CCDC81: variants seen among roughly 807,000 people sequenced by gnomAD.
CCDC81 encodes coiled-coil domain-containing protein 81.
CCDC81 carries 79 observed loss-of-function variants against 83.7 expected under a neutral mutation model. That is an observed-to-expected ratio of 0.94 (90% confidence interval 0.79 to 1.14). The LOEUF is 1.14. CCDC81 is among the 50% of genes most tolerant of loss of function. The pLI, the probability that CCDC81 is intolerant of heterozygous loss-of-function variation, is 0.00. For synonymous variants in CCDC81, 252 were observed against 278.1 expected, an observed-to-expected ratio of 0.91 and a Z score of 0.93; for missense variants, 791 against 778.1, an observed-to-expected ratio of 1.02 and a Z score of -0.20.
chr11:86,421,606 G>A (rs980844902), intron 14 of CCDC81, among the ~76,000 whole-genome samples: 10 of 152,288 alleles, frequency 6.6e-5, no homozygotes, highest in Admixed American at 3.3e-4. Context: ...CACCGCGCCC[G>A]GCCGATCATC....
In CCDC81 at chr11:86,422,934, C is replaced by T; in HGVS notation, c.*219C>T. 1.9e-6 allele frequency: 1 copy of T among 533,974 alleles called. No individual in the cohort carries two copies. Among genetic ancestry groups the T allele is most frequent in the Non-Finnish European group, 3.3e-6 (1 of 300,594 alleles). 33.1% of individuals were successfully genotyped at this position (533,974 alleles called of 1,614,324 possible). The stretch of plus-strand genomic sequence containing the variant: ...TAGTTTCTGATGGCAGTGAAGGTGT[C>T]TGAATGGTCCTGAGGGCTAGAACCT... On this transcript the variant is annotated 3_prime_UTR_variant, in exon 15 of 15. Coordinates refer to ENST00000445632, the MANE Select transcript of CCDC81 (RefSeq NM_001156474.2).
intron 10 of CCDC81, among the ~76,000 whole-genome samples, chr11:86,411,808 C>T (rs1012624395): frequency 1.3e-5 from 2 of 152,134 alleles, no homozygotes; most frequent in African/African-American, 4.8e-5. Flanking sequence ...TAGAAATTGA[C>T]CCTTTTGGTC....
At chr11:86,420,739 A>C (rs1948778845) in intron 14 of CCDC81, among the ~76,000 whole-genome samples, 1 of 152,122 alleles carries the variant, frequency 6.6e-6, no homozygotes, top group Admixed American at 6.5e-5. Flanking sequence ...TTGATCTGTA[A>C]CTCTCCTTTT....
intron 3 of CCDC81, among the ~76,000 whole-genome samples, chr11:86,390,171 G>A (rs931821568): frequency 1.3e-5 from 2 of 152,150 alleles, no homozygotes; most frequent in African/African-American, 4.8e-5. Context: ...GATCAGAACT[G>A]GATCAAATGC....
chr11:86,422,020 C>T (rs1447579403), intron 14 of CCDC81, among the ~76,000 whole-genome samples: 5 of 152,084 alleles, frequency 3.3e-5, no homozygotes, highest in Non-Finnish European at 5.9e-5. Flanking sequence ...AAGTCAGTTA[C>T]TACTGCCTCT....
At chr11:86,379,246 G>A (rs1200880887) in intron 1 of CCDC81, among the ~76,000 whole-genome samples, 2 of 151,774 alleles carry the variant, frequency 1.3e-5, no homozygotes, top group African/African-American at 4.8e-5. Context: ...ACAGGCACCC[G>A]CCACCATGCC....
chr11:86,389,009 C>T (rs1948286885), intron 3 of CCDC81, among the ~76,000 whole-genome samples: 1 of 152,026 alleles, frequency 6.6e-6, no homozygotes, highest in Admixed American at 6.5e-5. Context: ...GGCATGGTGG[C>T]ACATGCAATG....
chr11:86,410,619 CTCTT>C (rs1948629679), intron 10 of CCDC81, among the ~76,000 whole-genome samples: 1 of 152,190 alleles, frequency 6.6e-6, no homozygotes, highest in Non-Finnish European at 1.5e-5. Flanking sequence ...ATCTTTCTCT[CTCTT>C]TATATATAAG....
chr11:86,392,976 A>G (rs1948354663), intron 4 of CCDC81, among the ~76,000 whole-genome samples, 179 bp downstream of exon 4: 1 of 152,226 alleles, frequency 6.6e-6, no homozygotes, highest in South Asian at 2.1e-4. Context: ...CAGGAAGGCA[A>G]AGGAACATTA....
At chr11:86,397,831 T>A in intron 6 of CCDC81, 89 bp downstream of exon 6, 1 of 1,437,564 alleles carries the variant, frequency 7.0e-7, no homozygotes, top group East Asian at 2.4e-5. Flanking sequence ...TAAAGTTAAA[T>A]TTACAAATAA....
intron 12 of CCDC81, 109 bp from the exon 13 acceptor site, chr11:86,414,984 C>T (rs1948696430): frequency 2.1e-6 from 3 of 1,420,926 alleles, no homozygotes; most frequent in South Asian, 1.3e-5. Flanking sequence ...GTTTTTGTGC[C>T]CCGCATTCCT....
chr11:86,400,083 A>T (rs1362282989), intron 6 of CCDC81, among the ~76,000 whole-genome samples: 1 of 148,430 alleles, frequency 6.7e-6, no homozygotes, highest in Non-Finnish European at 1.5e-5. Context: ...ATGAGCTGAG[A>T]TTGGGTTACT....
At chr11:86,382,644 A>G (rs1948191056) in intron 1 of CCDC81, among the ~76,000 whole-genome samples, 1 of 152,126 alleles carries the variant, frequency 6.6e-6, no homozygotes, top group Non-Finnish European at 1.5e-5. Flanking sequence ...AACATTTGGG[A>G]ATCATCCTGA....
chr11:86,415,923 C>G (rs1314134412), intron 13 of CCDC81, among the ~76,000 whole-genome samples: 1 of 152,084 alleles, frequency 6.6e-6, no homozygotes, highest in African/African-American at 2.4e-5. Flanking sequence ...ATCCTCCTGC[C>G]TCAGCTTCCC....
chr11:86,422,891 C>A lies in CCDC81; in HGVS notation c.*176C>A. 6.3e-6 allele frequency: 4 copies of A among 635,920 alleles called. No individual in the cohort carries two copies. The East Asian group carries it at 8.7e-5, about 14-fold the overall frequency. The allele number at this position is 635,920 out of a possible 1,614,324, so 39.4% of individuals were successfully genotyped here. The stretch of plus-strand genomic sequence containing the variant: ...AATTCACTCCTGCTTTCCTCCCACC[C>A]CCAATTATTTCCTATACTAGTTTCT... On this transcript the variant is annotated 3_prime_UTR_variant, in exon 15 of 15. Transcript: ENST00000445632.
Position 86,421,604 on chromosome 11 carries a change from C to T in CCDC81, c.1818-970C>T, listed in dbSNP as rs141420533. The stretch of plus-strand genomic sequence containing the variant: ...GGATTACAGGCGTAAGCCACCGCGC[C>T]CGGCCGATCATCCTTCTTAAACAGA... On this transcript the variant is annotated intron_variant, in intron 14 of 14. Transcript: ENST00000445632. 3.3e-3 allele frequency among the ~76,000 whole-genome samples: 503 copies of T among 152,334 alleles called. 3 individuals are homozygous for T. Among genetic ancestry groups the T allele is most frequent in the African/African-American group, 0.011 (478 of 41,584 alleles).
chr11:86,374,950 T>C lies in CCDC81; in HGVS notation c.-214T>C. 2 of 521,992 alleles carry C rather than the reference T, an allele frequency of 3.8e-6. No homozygotes were observed. The highest frequency in any genetic ancestry group is 5.5e-5 in the Admixed American group (2 of 36,224). The allele number at this position is 521,992 out of a possible 1,614,324, so 32.3% of individuals were successfully genotyped here. A position where few individuals can be genotyped will look rare whatever the true frequency, so the allele number is the denominator to read the frequency against. On this transcript the variant is annotated 5_prime_UTR_variant, in exon 1 of 15. Transcript: ENST00000445632. ...GGGAGCTGCCCGAGAGCCAGAGCAG[T>C]GGGGAGGGACGGCGAGAACCAATGT... is the stretch of plus-strand genomic sequence containing the variant.
intron 7 of CCDC81, among the ~76,000 whole-genome samples, chr11:86,402,476 T>C (rs1209610756): frequency 6.6e-6 from 1 of 152,242 alleles, no homozygotes; most frequent in Non-Finnish European, 1.5e-5. Context: ...ATCATCTTAA[T>C]GAAAGGTTAA....
rs1186906902 is a variant in CCDC81 at position 86,397,614 on chromosome 11, T to C, written c.636-7T>C. On this transcript the variant is annotated splice_polypyrimidine_tract_variant and splice_region_variant and intron_variant, in intron 5 of 14. Coordinates refer to ENST00000445632, the MANE Select transcript of CCDC81 (RefSeq NM_001156474.2). ...TGCAGCAGAAAAACATATTGGCTCA[T>C]TCCTAGGATTGAGCTCAAGGAGATG... is the stretch of plus-strand genomic sequence containing the variant. 6.2e-7 allele frequency: 1 copy of C among 1,609,934 alleles called. No individual in the cohort carries two copies. The highest frequency in any genetic ancestry group is 1.1e-5 in the South Asian group (1 of 90,426).
Sources: allele counts gnomAD v4.1 joint callset (sites outside exome capture counted in the v4.1 genomes callset), GRCh38; gene constraint gnomAD v4.1.1; transcripts MANE v1.5; gene names NCBI Gene and HGNC (gene_info 2026-07-23, HGNC 2026-07-21).